The following ZNF454 variants were observed in gnomAD, a reference collection of about 807,000 sequenced individuals.
The protein encoded by ZNF454 is zinc finger protein 454.
A neutral mutation model predicts 48.2 loss-of-function variants in ZNF454; 30 were observed. The observed-to-expected ratio is 0.62, with a 90% confidence interval of 0.47 to 0.84. The LOEUF (loss-of-function observed/expected upper bound fraction) is 0.84, where lower values mean the gene tolerates loss of function less well. Ranked by LOEUF, ZNF454 falls within the 40% of genes least tolerant of loss-of-function variation. ZNF454 has a pLI of 0.00. For missense variants in ZNF454, 510 were observed against 623.1 expected (o/e 0.82, Z 1.93); for synonymous variants, 204 against 211.4 (o/e 0.97, Z 0.30).
At chr5:178,983,779 C>T in the ZNF454 span, among the ~76,000 whole-genome samples, 3 of 152,174 alleles carry the variant, frequency 2.0e-5, no homozygotes, top group South Asian at 6.2e-4. Context: ...ATGGAGTTAC[C>T]ACTCCCTCAC....
chr5:178,989,454 T>C, the ZNF454 span: 3 of 1,612,138 alleles, frequency 1.9e-6, no homozygotes, highest in Non-Finnish European at 2.5e-6. Flanking sequence ...GAGCCAGCTG[T>C]GTTTCTCCTG....
In ZNF454 at chr5:178,964,706, C is replaced by G; in HGVS notation, c.302C>G (p.Pro101Arg). 6.2e-7 allele frequency: 1 copy of G among 1,614,142 alleles called. No individual in the cohort carries two copies. Among genetic ancestry groups the G allele is most frequent in the Non-Finnish European group, 8.5e-7 (1 of 1,180,026 alleles). Residue 101 changes from proline to arginine, a missense_variant, in exon 5 of 5, where the codon CCT becomes CGT. Physicochemically the swap from Pro to Arg is moderately radical, Grantham distance 103 (BLOSUM62 -2). Transcript: ENST00000519564. ...AAATCTACTGTCAAGGCAGAGATTC[C>G]TGAAGAAGAATTGGATCAATGGACA... Reference protein sequence around the residue: ...SKKSTVKAEIPEEELDQWTIK... With the variant: ...SKKSTVKAEIREEELDQWTIK...
chr5:178,987,039 C>G, the ZNF454 span: 1 of 1,574,740 alleles, frequency 6.4e-7, no homozygotes, highest in Non-Finnish European at 8.7e-7. Context: ...AGCTGGCCTC[C>G]TGGGGAGGCC....
chr5:178,972,030 T>C, the ZNF454 span, among the ~76,000 whole-genome samples: 1 of 151,928 alleles, frequency 6.6e-6, no homozygotes, highest in African/African-American at 2.4e-5. Flanking sequence ...GCCTCCTGGG[T>C]TCAAGTGATT....
Position 178,941,791 on chromosome 5 carries a change from C to T in ZNF454, c.-108+347C>T, listed in dbSNP as rs998729176. 1.3e-5 allele frequency among the ~76,000 whole-genome samples: 2 copies of T among 152,166 alleles called. No homozygotes were observed. Among genetic ancestry groups the T allele is most frequent in the African/African-American group, 2.4e-5 (1 of 41,460 alleles). ...TCCCGCCCAGCTCACACAAACGCCG[C>T]TTCTGCCCACCCGTGACTCCAGGCC... On this transcript the variant is annotated intron_variant, in intron 1 of 4. Coordinates refer to ENST00000519564, the MANE Select transcript of ZNF454 (RefSeq NM_001178089.3). The surrounding 1 kb of genome is among the most constrained non-coding windows in gnomAD (Gnocchi z 5.5).
In ZNF454 at chr5:178,964,972, A is replaced by G. The variant is rs1021026896; in HGVS notation, c.568A>G (p.Ser190Gly). ...CSECGKVFSK[S>G]STLNKHQKIH... ...TGAGTGTGGAAAAGTCTTCTCTAAG[A>G]GTTCAACTCTTAATAAACATCAGAA... Residue 190 changes from serine to glycine, a missense_variant, in exon 5 of 5, where the codon AGT becomes GGT. Ser to Gly is a moderately conservative substitution (Grantham distance 56). Around this residue, in one of 3 missense-constraint regions of ZNF454, gnomAD observed 354 missense variants for 408.9 expected, o/e 0.87. Coordinates refer to ENST00000519564, the MANE Select transcript of ZNF454 (RefSeq NM_001178089.3). The G allele has an allele frequency of 4.3e-6, 7 of 1,614,122 alleles. No homozygotes were observed. Among genetic ancestry groups the G allele is most frequent in the Middle Eastern group, 1.6e-4 (1 of 6,084 alleles).
the ZNF454 span, chr5:178,986,557 G>A: frequency 6.2e-7 from 1 of 1,608,090 alleles, no homozygotes; most frequent in Non-Finnish European, 8.5e-7. Context: ...CGTGTGGTTG[G>A]GCGTGGGCCT....
At chr5:178,963,119 G>A (rs1256119406) in intron 4 of ZNF454, among the ~76,000 whole-genome samples, 1 of 151,788 alleles carries the variant, frequency 6.6e-6, no homozygotes, top group Non-Finnish European at 1.5e-5. Context: ...AAGCCACTGA[G>A]TATTGGGATC....
downstream of ZNF454, among the ~76,000 whole-genome samples, chr5:178,968,033 C>T (rs1288508323): frequency 1.3e-5 from 2 of 151,834 alleles, no homozygotes; most frequent in African/African-American, 2.4e-5. Context: ...GCCACCGCAC[C>T]CGGCCACCTT....
At chr5:178,987,192 G>A in the ZNF454 span, 34 of 693,408 alleles carry the variant, frequency 4.9e-5, no homozygotes, top group African/African-American at 1.4e-4. Flanking sequence ...TGTTGTGAGC[G>A]TGTGGAGAAG....
chr5:178,954,552 T>C (rs1450942825), intron 4 of ZNF454, among the ~76,000 whole-genome samples: 1 of 152,236 alleles, frequency 6.6e-6, no homozygotes, highest in East Asian at 1.9e-4. Flanking sequence ...AAATAATTCT[T>C]ACTCAGCTTC....
the ZNF454 span, chr5:178,986,816 G>A: frequency 1.9e-4 from 307 of 1,612,836 alleles, no homozygotes; most frequent in Non-Finnish European, 2.4e-4. Flanking sequence ...ATGCCCACCT[G>A]GGGCTCGGTC....
At chr5:178,968,140 C>G (rs1422155941), downstream of ZNF454, among the ~76,000 whole-genome samples, 2 of 149,916 alleles carry the variant, frequency 1.3e-5, no homozygotes, top group East Asian at 2.0e-4. Context: ...CACACACACA[C>G]AGCCTCTGAG....
At chr5:178,986,065 T>C in the ZNF454 span, 41 of 1,476,512 alleles carry the variant, frequency 2.8e-5, no homozygotes, top group Non-Finnish European at 3.7e-5. Context: ...CCTGGCCCTT[T>C]TGGCTTTGTA....
chr5:178,979,901 C>T, the ZNF454 span: 1 of 154,370 alleles, frequency 6.5e-6, no homozygotes, highest in East Asian at 1.9e-4. Flanking sequence ...AGAAAACACG[C>T]CCCATTACCC....
intron 4 of ZNF454, among the ~76,000 whole-genome samples, chr5:178,952,494 G>A (rs1183228315): frequency 2.0e-5 from 3 of 152,104 alleles, no homozygotes; most frequent in Non-Finnish European, 4.4e-5. Context: ...ATGAATGTCC[G>A]TTATCTTCTC....
At chr5:178,989,476 C>A in the ZNF454 span, 2 of 1,595,218 alleles carry the variant, frequency 1.3e-6, no homozygotes, top group Non-Finnish European at 1.7e-6. Context: ...GTCTCTCTGC[C>A]ACTTGCTCAC....
the ZNF454 span, chr5:178,979,898 A>G: frequency 6.5e-6 from 1 of 154,436 alleles, no homozygotes; most frequent in Non-Finnish European, 1.5e-5. Flanking sequence ...GCAAGAAAAC[A>G]CGCCCCATTA....
At chr5:178,953,954 C>T (rs770709393) in intron 4 of ZNF454, among the ~76,000 whole-genome samples, 1 of 152,258 alleles carries the variant, frequency 6.6e-6, no homozygotes. Context: ...TTTAGTGAAA[C>T]TTTCCGTCTA....
Sources: gnomAD v4.1 joint callset for allele counts (sites outside exome capture counted in the v4.1 genomes callset) on GRCh38, gnomAD v4.1.1 for gene constraint, gnomAD v4.1.1 regional missense constraint, Gnocchi (gnomAD v3.1) non-coding constraint, MANE v1.5 for transcripts, NCBI Gene and HGNC (gene_info 2026-07-23, HGNC 2026-07-21) for gene names.